PCDHA9: variants seen among roughly 807,000 people sequenced by gnomAD.
PCDHA9 encodes the protein protocadherin alpha 9, also known as protocadherin alpha-9.
Under a neutral mutation model 62.0 loss-of-function variants are expected in PCDHA9, and 62 were observed. That is an observed-to-expected ratio of 1.00 (90% CI 0.81 to 1.23). The LOEUF is 1.23. Ranked by LOEUF, PCDHA9 falls within the 50% of genes most tolerant of loss-of-function variation. The pLI is 0.00. For synonymous variants in PCDHA9, 557 were observed against 567.6 expected (o/e 0.98, Z 0.27); for missense variants, 1,205 against 1,249.8 (o/e 0.96, Z 0.54).
At chr5:140,877,189 G>T (rs370743077) in intron 1 of PCDHA9, 3 of 1,613,808 alleles carry the variant, frequency 1.9e-6, no homozygotes, top group Admixed American at 1.7e-5. Context: ...GGCTGGCAGC[G>T]CAGGAGGCGC....
intron 1 of PCDHA9, chr5:140,927,274 G>T: frequency 6.2e-7 from 1 of 1,614,100 alleles, no homozygotes; most frequent in Non-Finnish European, 8.5e-7. Context: ...TCCTGCCGGC[G>T]ACGTGCAGCT....
chr5:140,866,006 A>AT (rs879985909), intron 1 of PCDHA9: 11 of 151,858 alleles, frequency 7.2e-5, no homozygotes, highest in East Asian at 1.9e-4. Context: ...ATGTTAAGTG[A>AT]TTTTTTTCTT....
chr5:140,869,283 G>A, intron 1 of PCDHA9: 2 of 1,613,602 alleles, frequency 1.2e-6, no homozygotes, highest in Non-Finnish European at 1.7e-6. Flanking sequence ...CGGAGCTGGT[G>A]CAGCGCCTGT....
In PCDHA9 at chr5:140,967,246, G is replaced by T. The variant is rs569213693; in HGVS notation, c.2395-11703G>T. On this transcript the variant is annotated intron_variant, in intron 1 of 3. Coordinates refer to ENST00000532602, the MANE Select transcript of PCDHA9 (RefSeq NM_031857.2). ...ACTACCAGCTTCAGGTAAGCGAATCGGTGGCGCCTGGAGCGCGCTTTCACA... is the reference window on the plus strand; with the variant it reads ...ACTACCAGCTTCAGGTAAGCGAATCTGTGGCGCCTGGAGCGCGCTTTCACA... The T allele has an allele frequency of 9.6e-5, 155 of 1,613,594 alleles. 2 individuals carry two copies. In the South Asian group the frequency reaches 1.4e-3, roughly 15 times the overall value.
Position 140,855,567 on chromosome 5 carries a change from G to A in PCDHA9, c.2394+4678G>A, listed in dbSNP as rs568752755. Among the ~76,000 whole-genome samples the A allele has an allele frequency of 4.8e-4, 72 of 149,884 alleles. 4 individuals carry two copies. In the South Asian group the frequency reaches 0.014, roughly 30 times the overall value. ...TCAGAACTTAAATGGAACTAAAGTT[G>A]TCATTTAATAAAATATTAGTATACT... On this transcript the variant is annotated intron_variant, in intron 1 of 3. Coordinates refer to ENST00000532602, the MANE Select transcript of PCDHA9 (RefSeq NM_031857.2).
intron 3 of PCDHA9, among the ~76,000 whole-genome samples, chr5:141,006,206 AT>A (rs1178693799): frequency 1.4e-5 from 2 of 147,854 alleles, no homozygotes. Flanking sequence ...GTTATGCCTC[AT>A]TTTTTTTTAA....
chr5:140,995,544 A>T (rs2097688289), intron 3 of PCDHA9, among the ~76,000 whole-genome samples: 1 of 152,234 alleles, frequency 6.6e-6, no homozygotes, highest in African/African-American at 2.4e-5. Context: ...ATAAGGGGCG[A>T]TCACTGTACT....
intron 1 of PCDHA9, among the ~76,000 whole-genome samples, chr5:140,972,821 G>A (rs372160406): frequency 3.3e-5 from 5 of 152,010 alleles, no homozygotes; most frequent in East Asian, 3.9e-4. Flanking sequence ...GCGCCACCAC[G>A]CCTGGCTAAT....
chr5:140,876,883 G>T (rs192756440), intron 1 of PCDHA9: 45 of 1,614,016 alleles, frequency 2.8e-5, no homozygotes, highest in Non-Finnish European at 3.6e-5. Context: ...CAACCCGCCG[G>T]GCTGCCACAT....
chr5:140,997,921 G>T lies in PCDHA9; in HGVS notation c.2543-11706G>T, dbSNP rs553205382. On this transcript the variant is annotated intron_variant, in intron 3 of 3. Coordinates refer to ENST00000532602, the MANE Select transcript of PCDHA9 (RefSeq NM_031857.2). ...CAAGAAGTAGAATTACAGAATCATA[G>T]GATATAAAAATATCAAATTGGCAAA... is the stretch of plus-strand genomic sequence containing the variant. Among the ~76,000 whole-genome samples the T allele has an allele frequency of 1.1e-4, 16 of 152,200 alleles. No homozygotes were observed. The South Asian group carries it at 3.3e-3, about 32-fold the overall frequency.
chr5:140,896,410 T>C (rs1554186951), intron 1 of PCDHA9, among the ~76,000 whole-genome samples: 1 of 152,154 alleles, frequency 6.6e-6, no homozygotes, highest in Non-Finnish European at 1.5e-5. Context: ...TTTTGACTTT[T>C]TAGTAATAGC....
At chr5:140,897,667 A>G (rs2066254740) in intron 1 of PCDHA9, among the ~76,000 whole-genome samples, 1 of 152,134 alleles carries the variant, frequency 6.6e-6, no homozygotes, top group Non-Finnish European at 1.5e-5. Context: ...ATGTGTCTTT[A>G]TAGCAGCATG....
At chr5:140,882,584 C>G (rs1554174685) in intron 1 of PCDHA9, 5 of 1,614,238 alleles carry the variant, frequency 3.1e-6, no homozygotes, top group South Asian at 1.1e-5. Flanking sequence ...CAGCATCCAC[C>G]TGGAGGTGAT....
intron 1 of PCDHA9, chr5:140,871,695 T>A: frequency 1.0e-6 from 1 of 974,906 alleles, no homozygotes; most frequent in Non-Finnish European, 1.5e-6. Context: ...CTGGCTTCTT[T>A]AACCAATAAA....
At chr5:140,926,860 C>T in intron 1 of PCDHA9, 1 of 1,521,078 alleles carries the variant, frequency 6.6e-7, no homozygotes, top group Non-Finnish European at 8.8e-7. Flanking sequence ...GTTGGTGTAG[C>T]GTGTTGGTGG....
intron 1 of PCDHA9, chr5:140,968,151 T>C: frequency 6.2e-7 from 1 of 1,614,134 alleles, no homozygotes; most frequent in Non-Finnish European, 8.5e-7. Flanking sequence ...ATCTCTGACA[T>C]CAATGACAAT....
At chr5:140,941,331 T>G (rs1277354289) in intron 1 of PCDHA9, among the ~76,000 whole-genome samples, 1 of 148,120 alleles carries the variant, frequency 6.8e-6, no homozygotes. Context: ...TTTTTTTTTT[T>G]TTTCAGATGG....
intron 1 of PCDHA9, among the ~76,000 whole-genome samples, chr5:140,956,457 G>T (rs1197742299): frequency 2.0e-5 from 3 of 152,184 alleles, no homozygotes; most frequent in African/African-American, 7.2e-5. Flanking sequence ...TACATTTATT[G>T]ATTTGCATAT....
At chr5:141,009,279 A>T (rs2098404369) in intron 3 of PCDHA9, among the ~76,000 whole-genome samples, 1 of 152,124 alleles carries the variant, frequency 6.6e-6, no homozygotes, top group Non-Finnish European at 1.5e-5. Flanking sequence ...ACATAGTGAG[A>T]TCCCATTTCT....
Sources: gnomAD v4.1 joint callset for allele counts (sites outside exome capture counted in the v4.1 genomes callset) on GRCh38, gnomAD v4.1.1 for gene constraint, MANE v1.5 for transcripts, NCBI Gene and HGNC (gene_info 2026-07-23, HGNC 2026-07-21) for gene names.